The following GDF1 variants were observed in gnomAD, a reference collection of about 807,000 sequenced individuals.
GDF1 encodes the protein embryonic growth/differentiation factor 1.
GDF1 carries 8 observed loss-of-function variants against 7.4 expected under a neutral mutation model. That is an observed-to-expected ratio of 1.09 (90% CI 0.64 to 1.96). The LOEUF (loss-of-function observed/expected upper bound fraction) is 1.96, where lower values mean the gene tolerates loss of function less well. Among genes scored for constraint, GDF1 ranks in the 30% most tolerant of loss-of-function variants. The pLI is 0.00. For synonymous variants in GDF1, 311 were observed against 276.7 expected, an observed-to-expected ratio of 1.12 and a Z score of -1.23; for missense variants, 574 against 551.5, an observed-to-expected ratio of 1.04 and a Z score of -0.41.
chr19:18,878,298 C>T lies in GDF1; in HGVS notation c.-313+632G>A, dbSNP rs1394312338. The T allele has an allele frequency of 1.0e-6, 1 of 985,942 alleles. No individual in the cohort carries two copies. The highest frequency in any genetic ancestry group is 6.1e-5 in the Admixed American group (1 of 16,282). The allele number at this position is 985,942 out of a possible 1,614,324, so 61.1% of individuals were successfully genotyped here. On this transcript the variant is annotated intron_variant, in intron 6 of 7. Coordinates refer to ENST00000247005, the MANE Select transcript of GDF1 (RefSeq NM_001492.6). The surrounding 1 kb of genome is among the most constrained non-coding windows in gnomAD (Gnocchi z 4.6). ...TCCGTTCATCCCTGGCCCAGACACC[C>T]CCTGCCTGCCCCAGGCCTGGGGCTT... is the stretch of plus-strand genomic sequence containing the variant.
At position 18,896,103 on chromosome 19, in the gene GDF1, T is replaced by C. The variant is rs2056621942; in HGVS notation, c.-1353A>G. On this transcript the variant is annotated 5_prime_UTR_variant, in exon 1 of 8. Transcript: ENST00000247005. This position sits in a 1 kb window ranked among gnomAD's most constrained non-coding sequence, Gnocchi z 5.9. Reference sequence around the variant, plus strand: ...CCGCTCGCCCGCCGTGCCCGTCGCCTGCGCCCGCCCGCGGTAGCCGACGGA... The same window carrying C: ...CCGCTCGCCCGCCGTGCCCGTCGCCCGCGCCCGCCCGCGGTAGCCGACGGA... The C allele has an allele frequency of 1.1e-6, 1 of 872,886 alleles. No homozygotes were observed. The highest frequency in any genetic ancestry group is 1.8e-5 in the African/African-American group (1 of 54,140). The allele number at this position is 872,886 out of a possible 1,614,324, so 54.1% of individuals were successfully genotyped here. A position where few individuals can be genotyped will look rare whatever the true frequency, so the allele number is the denominator to read the frequency against.
chr19:18,878,226 C>T lies in GDF1; in HGVS notation c.-313+704G>A, dbSNP rs2056100066. 1.0e-6 allele frequency: 1 copy of T among 985,710 alleles called. No individual in the cohort carries two copies. The allele number at this position is 985,710 out of a possible 1,614,324, so 61.1% of individuals were successfully genotyped here. ...TCCTGCTCAAACACTCCTCACGTTG[C>T]CTATGAGACACTGCACACCCGACTC... On this transcript the variant is annotated intron_variant, in intron 6 of 7. Transcript: ENST00000247005. The surrounding 1 kb of genome is among the most constrained non-coding windows in gnomAD (Gnocchi z 4.6).
chr19:18,878,708 G>A lies in GDF1; in HGVS notation c.-313+222C>T. ...TGAGACCCTGCCTGTCGCCCTGCCT[G>A]CCCCTCCCCAGCCTCTCCCTCCCCT... On this transcript the variant is annotated intron_variant, in intron 6 of 7. Coordinates refer to ENST00000247005, the MANE Select transcript of GDF1 (RefSeq NM_001492.6). This position sits in a 1 kb window ranked among gnomAD's most constrained non-coding sequence, Gnocchi z 4.6. 1 of 1,376,606 alleles carries A rather than the reference G, an allele frequency of 7.3e-7. No individual in the cohort carries two copies. The highest frequency in any genetic ancestry group is 9.4e-7 in the Non-Finnish European group (1 of 1,062,490). The allele number at this position is 1,376,606 out of a possible 1,614,324, so 85.3% of individuals were successfully genotyped here.
chr19:18,891,307 C>G (rs944211093), intron 2 of GDF1, among the ~76,000 whole-genome samples: 2 of 152,180 alleles, frequency 1.3e-5, no homozygotes, highest in African/African-American at 4.8e-5. Flanking sequence ...AGGCTGTTCC[C>G]ATCACATGGC....
Position 18,878,020 on chromosome 19 carries a change from C to T in GDF1, c.-313+910G>A, listed in dbSNP as rs2056094670. The T allele has an allele frequency of 2.0e-6, 2 of 985,420 alleles. No homozygotes were observed. Among genetic ancestry groups the T allele is most frequent in the Non-Finnish European group, 2.4e-6 (2 of 829,988 alleles). 61.0% of individuals were successfully genotyped at this position (985,420 alleles called of 1,614,324 possible). On this transcript the variant is annotated intron_variant, in intron 6 of 7. Coordinates refer to ENST00000247005, the MANE Select transcript of GDF1 (RefSeq NM_001492.6). This position sits in a 1 kb window ranked among gnomAD's most constrained non-coding sequence, Gnocchi z 4.6. ...GGTCTGACGCTCCTCTGCCTGGCTACAGCCCCGGATGTGTTAAATGTCTGC... is the reference window on the plus strand; with the variant it reads ...GGTCTGACGCTCCTCTGCCTGGCTATAGCCCCGGATGTGTTAAATGTCTGC...
In GDF1 at chr19:18,896,055, G is replaced by A; in HGVS notation, c.-1305C>T. 2.0e-6 allele frequency: 2 copies of A among 983,362 alleles called. No individual in the cohort carries two copies. The highest frequency in any genetic ancestry group is 9.1e-5 in the South Asian group (2 of 21,936). 60.9% of individuals were successfully genotyped at this position (983,362 alleles called of 1,614,324 possible). A position where few individuals can be genotyped will look rare whatever the true frequency, so the allele number is the denominator to read the frequency against. On this transcript the variant is annotated 5_prime_UTR_variant, in exon 1 of 8. Coordinates refer to ENST00000247005, the MANE Select transcript of GDF1 (RefSeq NM_001492.6). This position sits in a 1 kb window ranked among gnomAD's most constrained non-coding sequence, Gnocchi z 5.9. ...GCTCGGGCCCCGTCGGCCCCGCCGC[G>A]GGCCCCGCCGCCGCCATACCGCCCG...
At position 18,870,605 on chromosome 19, in the gene GDF1, T is replaced by C. The variant is rs1402819628; in HGVS notation, c.-298A>G. The C allele has an allele frequency of 1.7e-6, 1 of 580,424 alleles. No homozygotes were observed. Among genetic ancestry groups the C allele is most frequent in the Non-Finnish European group, 3.1e-6 (1 of 320,430 alleles). The allele number at this position is 580,424 out of a possible 1,614,324, so 36.0% of individuals were successfully genotyped here. ...GAAGCGCTTGTCCTTCACCAGGCCG[T>C]TCCTCAGTGGCTTCCTGGGGGTCAG... On this transcript the variant is annotated 5_prime_UTR_variant, in exon 7 of 8. Transcript: ENST00000247005. This position sits in a 1 kb window ranked among gnomAD's most constrained non-coding sequence, Gnocchi z 5.1.
At chr19:18,881,364 G>C (rs930822665) in intron 3 of GDF1, among the ~76,000 whole-genome samples, 2 of 151,902 alleles carry the variant, frequency 1.3e-5, no homozygotes, top group African/African-American at 4.8e-5. Flanking sequence ...GGCATTACAG[G>C]TATGTGCCAC....
chr19:18,888,733 G>A (rs2056421844), intron 2 of GDF1, among the ~76,000 whole-genome samples: 1 of 151,604 alleles, frequency 6.6e-6, no homozygotes. Flanking sequence ...CGGAGGCTGA[G>A]GCAGGAGAAT....
chr19:18,883,283 A>C (rs2056259955), intron 3 of GDF1: 1 of 152,234 alleles, frequency 6.6e-6, no homozygotes, highest in Non-Finnish European at 1.5e-5. Context: ...GCCACATTTA[A>C]CAAGAAAGAG....
chr19:18,887,092 C>T (rs1334330267), intron 2 of GDF1, among the ~76,000 whole-genome samples: 5 of 152,240 alleles, frequency 3.3e-5, no homozygotes, highest in Non-Finnish European at 5.9e-5. Context: ...AACCAAAAGG[C>T]AGACACAACC....
intron 3 of GDF1, chr19:18,883,516 G>C (rs538428585): frequency 6.6e-5 from 10 of 152,402 alleles, no homozygotes; most frequent in African/African-American, 2.4e-4. Context: ...CTGGGTGACA[G>C]AGTGAGACCT....
chr19:18,893,671 C>T (rs529796804), intron 1 of GDF1, 96 bp from the exon 2 acceptor site: 54 of 1,301,500 alleles, frequency 4.1e-5, no homozygotes, highest in Non-Finnish European at 5.1e-5. Context: ...CTCCCCAGGC[C>T]GGGCAGCACT....
In GDF1 at chr19:18,896,114, G is replaced by A. The variant is rs915665798; in HGVS notation, c.-1364C>T. 5.0e-5 allele frequency: 41 copies of A among 819,766 alleles called. No individual in the cohort carries two copies. In the African/African-American group the frequency reaches 5.8e-4, roughly 12 times the overall value. The allele number at this position is 819,766 out of a possible 1,614,324, so 50.8% of individuals were successfully genotyped here. On this transcript the variant is annotated 5_prime_UTR_variant, in exon 1 of 8. Transcript: ENST00000247005. The surrounding 1 kb of genome is among the most constrained non-coding windows in gnomAD (Gnocchi z 5.9). Reference sequence around the variant, plus strand: ...CCGTGCCCGTCGCCTGCGCCCGCCCGCGGTAGCCGACGGAGCCGCGCGCCC... The same window carrying A: ...CCGTGCCCGTCGCCTGCGCCCGCCCACGGTAGCCGACGGAGCCGCGCGCCC...
Position 18,878,755 on chromosome 19 carries a change from G to C in GDF1, c.-313+175C>G. On this transcript the variant is annotated intron_variant, in intron 6 of 7. Transcript: ENST00000247005. This position sits in a 1 kb window ranked among gnomAD's most constrained non-coding sequence, Gnocchi z 4.6. ...CCCTTCCTCACTGTCCTGTCCTTCA[G>C]GGTACTGGCCACATCGTCCACGCCT... 7.0e-7 allele frequency: 1 copy of C among 1,422,150 alleles called. No individual in the cohort carries two copies. Among genetic ancestry groups the C allele is most frequent in the Non-Finnish European group, 9.2e-7 (1 of 1,087,116 alleles). The allele number at this position is 1,422,150 out of a possible 1,614,324, so 88.1% of individuals were successfully genotyped here.
chr19:18,880,578 C>T, intron 3 of GDF1, 143 bp from the exon 4 acceptor site: 1 of 749,646 alleles, frequency 1.3e-6, no homozygotes, highest in Non-Finnish European at 2.1e-6. Flanking sequence ...CCTCGCCTGC[C>T]CTGCCCATCT....
rs1568301769 is a variant in GDF1 at position 18,884,206 on chromosome 19, G to A, written c.-852C>T. On this transcript the variant is annotated 5_prime_UTR_variant, in exon 3 of 8. Coordinates refer to ENST00000247005, the MANE Select transcript of GDF1 (RefSeq NM_001492.6). ...TAGCGTAGATGGAGTGGCCATAGAA[G>A]CTTCCCTGGAGCAGGTAGGCGGCTG... The A allele has an allele frequency of 2.5e-6, 4 of 1,613,600 alleles. No individual in the cohort carries two copies. The highest frequency in any genetic ancestry group is 2.5e-6 in the Non-Finnish European group (3 of 1,179,830).
Position 18,884,259 on chromosome 19 carries a change from GCGTC to G in GDF1, c.-909_-906del, listed in dbSNP as rs766289260. The G allele has an allele frequency of 6.2e-7, 1 of 1,611,946 alleles. No homozygotes were observed. The highest frequency in any genetic ancestry group is 2.2e-5 in the East Asian group (1 of 44,830). On this transcript the variant is annotated 5_prime_UTR_variant, in exon 3 of 8. The change creates a premature stop within an existing upstream ORF in the 5' untranslated region. Transcript: ENST00000247005. ...ATGTCCCGTGGCACTGCCATGCCCG[GCGTC>G]CAGTCTGGGGAGAGCCAAATCTCAC...
At chr19:18,881,509 C>T (rs2056207873) in intron 3 of GDF1, among the ~76,000 whole-genome samples, 1 of 151,322 alleles carries the variant, frequency 6.6e-6, no homozygotes, top group South Asian at 2.1e-4. Flanking sequence ...TGTGAGCCAC[C>T]GTGCCCGGCC....
Sources: allele counts gnomAD v4.1 joint callset (sites outside exome capture counted in the v4.1 genomes callset), GRCh38; gene constraint gnomAD v4.1.1; non-coding constraint Gnocchi (gnomAD v3.1); transcripts MANE v1.5; gene names NCBI Gene and HGNC (gene_info 2026-07-23, HGNC 2026-07-21).